Variants in USP32 observed in about 807,000 individuals in gnomAD.
USP32 encodes the protein ubiquitin specific peptidase 32.
In USP32, 59 loss-of-function variants were observed where a neutral mutation model predicts 204.8. That is an observed-to-expected ratio of 0.29 (90% CI 0.23 to 0.36). USP32 has a LOEUF of 0.36. USP32 is among the 10% of genes least tolerant of loss of function. The probability of loss-of-function intolerance (pLI) is 1.00; values close to 1 mark genes in which losing one functional copy is unlikely to be tolerated. For missense variants in USP32, 1,160 were observed against 1,946.4 expected (o/e 0.60, Z 7.60); for synonymous variants, 517 against 678.4 (o/e 0.76, Z 3.70).
intron 9 of USP32, among the ~76,000 whole-genome samples, chr17:60,257,685 T>G (rs1346866255): frequency 6.6e-6 from 1 of 152,092 alleles, no homozygotes; most frequent in African/African-American, 2.4e-5. Context: ...GGTCTAGTTA[T>G]GTTGCCCAGG....
In USP32 at chr17:60,288,745, C is replaced by T. The variant is rs569318430; in HGVS notation, c.412-63G>A. ...TTTAAGGTATCTTACTTGGAACCTG[C>T]ACAACCTGAAATTTGCAATTAGTTG... On this transcript the variant is annotated intron_variant, in intron 4 of 33. Coordinates refer to ENST00000300896, the MANE Select transcript of USP32 (RefSeq NM_032582.4). 902 of 1,437,654 alleles carry T rather than the reference C, an allele frequency of 6.3e-4. 4 individuals carry two copies. The highest frequency in any genetic ancestry group is 5.7e-3 in the Middle Eastern group (24 of 4,210). The allele number at this position is 1,437,654 out of a possible 1,614,324, so 89.1% of individuals were successfully genotyped here.
chr17:60,366,632 G>A (rs1456697439), intron 1 of USP32, among the ~76,000 whole-genome samples: 1 of 152,028 alleles, frequency 6.6e-6, no homozygotes, highest in South Asian at 2.1e-4. Context: ...CAGGTGCTGT[G>A]GCCCAGACCT....
chr17:60,407,672 C>T (rs1403873940), intron 1 of USP32, among the ~76,000 whole-genome samples: 1 of 150,922 alleles, frequency 6.6e-6, no homozygotes, highest in Non-Finnish European at 1.5e-5. Flanking sequence ...ATCCCAGCTA[C>T]TCAGGAGGCT....
chr17:60,221,779 C>T (rs1344425813), intron 15 of USP32, among the ~76,000 whole-genome samples: 2 of 152,094 alleles, frequency 1.3e-5, no homozygotes, highest in African/African-American at 4.8e-5. Flanking sequence ...GCTGGGATTA[C>T]AGGTGGAAGA....
intron 29 of USP32, among the ~76,000 whole-genome samples, chr17:60,189,206 C>G (rs1178411138): frequency 2.0e-5 from 3 of 152,194 alleles, no homozygotes; most frequent in African/African-American, 7.2e-5. Flanking sequence ...TAGCTTTAGC[C>G]TAGTGATCTT....
Position 60,301,651 on chromosome 17 carries a change from T to C in USP32, c.240A>G (p.Leu80=), listed in dbSNP as rs755492272. 3.8e-6 allele frequency: 6 copies of C among 1,598,040 alleles called. No individual in the cohort carries two copies. In the East Asian group the frequency reaches 1.4e-4, roughly 36 times the overall value. Residue 80 remains leucine, a synonymous_variant, in exon 3 of 34, where the codon TTA becomes TTG. Coordinates refer to ENST00000300896, the MANE Select transcript of USP32 (RefSeq NM_032582.4). ...GTSKGLHFNN[L]IVGLVLLTRG... ...TTGTAAGGAGGACAAGTCCAACTAT[T>C]AAATTATTGAAGTGCAGCCCTTTGG...
At chr17:60,219,561 C>CTTT (rs751193414) in intron 16 of USP32, 109 bp downstream of exon 16, 947 of 688,672 alleles carry the variant, frequency 1.4e-3, no homozygotes, top group South Asian at 4.0e-3. Flanking sequence ...TAGTTTTCAC[C>CTTT]TTTTTTTTTT....
intron 1 of USP32, among the ~76,000 whole-genome samples, chr17:60,402,816 C>T (rs1366012228): frequency 6.6e-6 from 1 of 152,152 alleles, no homozygotes; most frequent in East Asian, 1.9e-4. Context: ...AAGCTAGGGA[C>T]TGGAATCCTC....
At chr17:60,198,927 A>G (rs548211872) in intron 26 of USP32, among the ~76,000 whole-genome samples, 2 of 152,160 alleles carry the variant, frequency 1.3e-5, no homozygotes, top group African/African-American at 4.8e-5. Context: ...CAGAATGGGC[A>G]ATGTAGGGAG....
intron 11 of USP32, among the ~76,000 whole-genome samples, chr17:60,240,018 G>T (rs969626699): frequency 2.0e-5 from 3 of 152,110 alleles, no homozygotes; most frequent in East Asian, 3.9e-4. Context: ...TACAGGCGTG[G>T]GCCACCATGC....
chr17:60,356,484 A>G lies in USP32; in HGVS notation c.59-10876T>C, dbSNP rs193177217. The stretch of plus-strand genomic sequence containing the variant: ...CTGACTGTACAACATTTGAACACAC[A>G]CCCGAGTAGTATAGAACCCCTCCGC... On this transcript the variant is annotated intron_variant, in intron 1 of 33. Coordinates refer to ENST00000300896, the MANE Select transcript of USP32 (RefSeq NM_032582.4). Among the ~76,000 whole-genome samples the G allele has an allele frequency of 2.3e-3, 352 of 152,230 alleles. 2 individuals carry two copies. The highest frequency in any genetic ancestry group is 8.0e-3 in the African/African-American group (333 of 41,546).
At chr17:60,385,256 C>G (rs1452200661) in intron 1 of USP32, among the ~76,000 whole-genome samples, 1 of 152,150 alleles carries the variant, frequency 6.6e-6, no homozygotes, top group Non-Finnish European at 1.5e-5. Flanking sequence ...TTTTCCACTA[C>G]CCACCCAAAT....
chr17:60,358,436 G>C (rs942157281), intron 1 of USP32, among the ~76,000 whole-genome samples: 1 of 151,974 alleles, frequency 6.6e-6, no homozygotes, highest in Non-Finnish European at 1.5e-5. Context: ...TTAGCCAGGT[G>C]TGGTGGCGGG....
chr17:60,319,180 A>G (rs2088054630), intron 2 of USP32, among the ~76,000 whole-genome samples: 1 of 152,234 alleles, frequency 6.6e-6, no homozygotes. Flanking sequence ...GATGGCTGCA[A>G]AATATTGTGA....
intron 1 of USP32, among the ~76,000 whole-genome samples, chr17:60,380,359 G>GA (rs1268453218): frequency 6.6e-6 from 1 of 152,130 alleles, no homozygotes; most frequent in African/African-American, 2.4e-5. Context: ...TTGAGCTCAG[G>GA]AGTTCAAGAC....
intron 1 of USP32, among the ~76,000 whole-genome samples, chr17:60,386,018 AACACACAC>A (rs146544566): frequency 1.3e-5 from 2 of 149,604 alleles, no homozygotes; most frequent in East Asian, 3.9e-4. Flanking sequence ...ATTGCTGCAT[AACACACAC>A]ACACACACAC....
At chr17:60,234,457 G>A (rs1247903392) in intron 12 of USP32, among the ~76,000 whole-genome samples, 3 of 151,416 alleles carry the variant, frequency 2.0e-5, no homozygotes. Context: ...ACCGGGCGTG[G>A]TGGTTCACGC....
At chr17:60,372,680 TAAA>T (rs994631226) in intron 1 of USP32, among the ~76,000 whole-genome samples, 1 of 134,920 alleles carries the variant, frequency 7.4e-6, no homozygotes. Context: ...TTCTCTACAT[TAAA>T]AAAAAAAAAA....
chr17:60,407,651 C>T (rs75728892), intron 1 of USP32, among the ~76,000 whole-genome samples: 20,517 of 151,678 alleles, frequency 0.14, 2,945 homozygotes, highest in African/African-American at 0.36. Flanking sequence ...GTGTGGTGGT[C>T]CATGCCTGTA....
Sources: gnomAD v4.1 joint callset for allele counts (sites outside exome capture counted in the v4.1 genomes callset) on GRCh38, gnomAD v4.1.1 for gene constraint, MANE v1.5 for transcripts, NCBI Gene and HGNC (gene_info 2026-07-23, HGNC 2026-07-21) for gene names.